SCIMP: variants seen among roughly 807,000 people sequenced by gnomAD.
The protein encoded by SCIMP is SLP adapter and CSK-interacting membrane protein.
Under a neutral mutation model 22.0 loss-of-function variants are expected in SCIMP, and 18 were observed. That is an observed-to-expected ratio of 0.82 (90% CI 0.56 to 1.21). SCIMP has a LOEUF of 1.21. Ranked by LOEUF, SCIMP falls within the 50% of genes most tolerant of loss-of-function variation. The probability of loss-of-function intolerance (pLI) is 0.00; values close to 1 mark genes in which losing one functional copy is unlikely to be tolerated. For missense variants in SCIMP, 155 were observed against 171.2 expected (o/e 0.91, Z 0.53); for synonymous variants, 53 against 62.2 (o/e 0.85, Z 0.70).
chr17:5,220,453 AAG>A (rs2074598132), intron 3 of SCIMP, among the ~76,000 whole-genome samples: 1 of 150,186 alleles, frequency 6.7e-6, no homozygotes, highest in African/African-American at 2.4e-5. Context: ...AAAAAAAAAA[AAG>A]AGGCTGGGTG....
At chr17:5,214,701 G>T (rs1158036370) in intron 4 of SCIMP, 3 of 453,720 alleles carry the variant, frequency 6.6e-6, no homozygotes, top group African/African-American at 4.1e-5. Context: ...TTAGCTGGGC[G>T]TGGTGGCGGG....
At chr17:5,231,872 A>G (rs531251924) in intron 1 of SCIMP, among the ~76,000 whole-genome samples, 46 of 152,230 alleles carry the variant, frequency 3.0e-4, no homozygotes, top group African/African-American at 4.8e-4. Flanking sequence ...GGCTAACACA[A>G]TGAAACCCTG....
intron 3 of SCIMP, among the ~76,000 whole-genome samples, chr17:5,215,734 G>C (rs560571652): frequency 6.6e-6 from 1 of 152,294 alleles, no homozygotes; most frequent in South Asian, 2.1e-4. Flanking sequence ...GCTCGCATCT[G>C]TTCACCAAAA....
intron 1 of SCIMP, among the ~76,000 whole-genome samples, chr17:5,227,996 A>G (rs540912749): frequency 1.3e-5 from 2 of 152,152 alleles, no homozygotes; most frequent in South Asian, 4.2e-4. Context: ...AACATGGTGA[A>G]ACCCCGTCTC....
chr17:5,222,274 G>A (rs1469580554), intron 2 of SCIMP, among the ~76,000 whole-genome samples: 2 of 151,514 alleles, frequency 1.3e-5, no homozygotes, highest in Non-Finnish European at 1.5e-5. Flanking sequence ...TGTATTTTAA[G>A]TAGAAACGGG....
At chr17:5,219,605 G>A (rs1471398270) in intron 3 of SCIMP, among the ~76,000 whole-genome samples, 1 of 152,194 alleles carries the variant, frequency 6.6e-6, no homozygotes, top group African/African-American at 2.4e-5. Context: ...TCCAGCCTGG[G>A]TGACAGACTG....
chr17:5,220,227 G>A lies in SCIMP; in HGVS notation c.209+1060C>T, dbSNP rs550757863. On this transcript the variant is annotated intron_variant, in intron 3 of 4. Transcript: ENST00000574081. ...ATATTTGGAATCCACCAAAAGAAAA[G>A]AAGTATAGACTGGGCGCTGGGCCCA... Among the ~76,000 whole-genome samples, 52 of 152,212 alleles carry A rather than the reference G, an allele frequency of 3.4e-4. 1 individual carries two copies. The highest frequency in any genetic ancestry group is 1.1e-3 in the African/African-American group (47 of 41,550).
chr17:5,229,488 G>A (rs2074677256), intron 1 of SCIMP, among the ~76,000 whole-genome samples: 2 of 139,416 alleles, frequency 1.4e-5, no homozygotes, highest in Non-Finnish European at 1.5e-5. Context: ...CCATCTCCCC[G>A]GTTCAAGCAA....
Position 5,214,979 on chromosome 17 carries a change from G to A in SCIMP, c.229C>T (p.Pro77Ser), listed in dbSNP as rs1186568687. The change falls in exon 4 of 5, where the codon CCA becomes TCA. Residue 77 changes from proline (P) to serine (S), a missense_variant. Transcript: ENST00000574081. ...KMYENVLNES[P>S]VQLPPLPPRN... The stretch of plus-strand genomic sequence containing the variant: ...GGTGGCAGAGGCGGTAATTGAACTG[G>A]CGACTCATTAAGAACATTCCTAGAG... 6.2e-7 allele frequency: 1 copy of A among 1,610,372 alleles called. No homozygotes were observed. Among genetic ancestry groups the A allele is most frequent in the Non-Finnish European group, 8.5e-7 (1 of 1,176,796 alleles).
At chr17:5,220,613 G>A (rs1353283811) in intron 3 of SCIMP, among the ~76,000 whole-genome samples, 3 of 151,816 alleles carry the variant, frequency 2.0e-5, no homozygotes, top group African/African-American at 7.3e-5. Context: ...GTATGCTGGC[G>A]TGTGCCTGTA....
intron 4 of SCIMP, among the ~76,000 whole-genome samples, chr17:5,211,725 G>A (rs1340450751): frequency 1.3e-5 from 2 of 152,276 alleles, no homozygotes; most frequent in Non-Finnish European, 2.9e-5. Flanking sequence ...GAAGAAAGGG[G>A]ATGGCGTTGT....
chr17:5,233,715 G>A (rs2074720977), intron 1 of SCIMP: 1 of 152,284 alleles, frequency 6.6e-6, no homozygotes. Context: ...TGAAGCCTGT[G>A]CTCCACATTG....
chr17:5,224,813 T>G (rs557394749), intron 1 of SCIMP, among the ~76,000 whole-genome samples: 38 of 152,260 alleles, frequency 2.5e-4, no homozygotes, highest in Non-Finnish European at 4.7e-4. Flanking sequence ...AGAGAAATTT[T>G]GAGAGCTTTT....
At chr17:5,222,933 G>A (rs1449934050) in intron 2 of SCIMP, among the ~76,000 whole-genome samples, 1 of 152,164 alleles carries the variant, frequency 6.6e-6, no homozygotes, top group Non-Finnish European at 1.5e-5. Context: ...CCAAAGGGCT[G>A]GGATTACAGG....
chr17:5,221,223 G>T, intron 3 of SCIMP, 64 bp downstream of exon 3: 2 of 1,200,406 alleles, frequency 1.7e-6, no homozygotes, highest in Non-Finnish European at 2.5e-6. Flanking sequence ...TAGTGGAGGG[G>T]CAAGGGTGGA....
At chr17:5,221,841 C>T (rs1014790746) in intron 2 of SCIMP, among the ~76,000 whole-genome samples, 1 of 152,138 alleles carries the variant, frequency 6.6e-6, no homozygotes, top group African/African-American at 2.4e-5. Context: ...GGCGCAATCT[C>T]GGCTCACTGC....
At chr17:5,217,012 A>T (rs1415629326) in intron 3 of SCIMP, among the ~76,000 whole-genome samples, 2 of 152,170 alleles carry the variant, frequency 1.3e-5, no homozygotes, top group African/African-American at 4.8e-5. Context: ...CCTGAGAATG[A>T]ATAAACATTT....
intron 1 of SCIMP, among the ~76,000 whole-genome samples, chr17:5,226,845 TTGAGAGAGGGCAGC>T (rs1426821302): frequency 6.6e-6 from 1 of 152,012 alleles, no homozygotes; most frequent in Non-Finnish European, 1.5e-5. Flanking sequence ...AGCTTGCTTT[TTGAGAGAGGGCAGC>T]TGAGAGAGGG....
At chr17:5,224,442 TTTTGTTTGTTTGTTTG>T (rs34816789) in intron 1 of SCIMP, among the ~76,000 whole-genome samples, 4 of 143,700 alleles carry the variant, frequency 2.8e-5, no homozygotes, top group Admixed American at 1.4e-4. Context: ...AGGCCAGTTT[TTTTGTTTGTTTGTTTG>T]TTTGTTTGTT....
Sources: gnomAD v4.1 joint callset for allele counts (sites outside exome capture counted in the v4.1 genomes callset) on GRCh38, gnomAD v4.1.1 for gene constraint, MANE v1.5 for transcripts, NCBI Gene and HGNC (gene_info 2026-07-23, HGNC 2026-07-21) for gene names.